LRRC4C: variants seen among roughly 807,000 people sequenced by gnomAD.
LRRC4C encodes the protein leucine rich repeat containing 4C, also known as leucine-rich repeat-containing protein 4C.
LRRC4C carries 5 observed loss-of-function variants against 33.6 expected under a neutral mutation model. The ratio of observed to expected loss-of-function variants is 0.15; its 90% CI spans 0.08 to 0.31. The LOEUF is 0.31. Ranked by LOEUF, LRRC4C falls within the 10% of genes least tolerant of loss-of-function variation. The probability of loss-of-function intolerance (pLI) is 1.00; values close to 1 mark genes in which losing one functional copy is unlikely to be tolerated. For missense variants in LRRC4C, 560 were observed against 796.7 expected (o/e 0.70, Z 3.58); for synonymous variants, 329 against 302.0 (o/e 1.09, Z -0.93).
chr11:40,594,499 G>A (rs1009111199), intron 3 of LRRC4C, among the ~76,000 whole-genome samples: 14 of 152,148 alleles, frequency 9.2e-5, no homozygotes, highest in African/African-American at 3.4e-4. Flanking sequence ...GAGTCAAGAG[G>A]AAGAGCAGTA....
At chr11:41,125,702 A>C (rs909907658) in intron 1 of LRRC4C, among the ~76,000 whole-genome samples, 3 of 152,206 alleles carry the variant, frequency 2.0e-5, no homozygotes, top group African/African-American at 7.2e-5. Context: ...GCTTTAGACC[A>C]GCAGAGTGTG....
chr11:41,389,048 T>C (rs1953476349), intron 1 of LRRC4C, among the ~76,000 whole-genome samples: 1 of 151,796 alleles, frequency 6.6e-6, no homozygotes. Flanking sequence ...GCATGGTATT[T>C]TAAAAAGAAA....
chr11:40,670,449 C>A (rs1944033015), intron 2 of LRRC4C, among the ~76,000 whole-genome samples: 1 of 152,154 alleles, frequency 6.6e-6, no homozygotes, highest in Non-Finnish European at 1.5e-5. Context: ...CTATATCAGA[C>A]CAATGTGAAT....
chr11:40,797,347 GAA>G (rs1950874938), intron 2 of LRRC4C, among the ~76,000 whole-genome samples: 1 of 152,080 alleles, frequency 6.6e-6, no homozygotes, highest in Non-Finnish European at 1.5e-5. Flanking sequence ...GCATCTGAGA[GAA>G]GAGATCCTAT....
chr11:40,475,807 A>G (rs1953186616), intron 3 of LRRC4C, among the ~76,000 whole-genome samples: 3 of 152,220 alleles, frequency 2.0e-5, no homozygotes, highest in South Asian at 4.1e-4. Context: ...CCCCTCCTTT[A>G]TAATAATTAT....
Position 40,281,877 on chromosome 11 carries a change from C to CCA in LRRC4C, c.-176+37749_-176+37750dup, listed in dbSNP as rs1565225417. Among the ~76,000 whole-genome samples, 3 of 152,072 alleles carry CCA rather than the reference C, an allele frequency of 2.0e-5. No homozygotes were observed. The South Asian group carries it at 6.2e-4, about 32-fold the overall frequency. On this transcript the variant is annotated intron_variant, in intron 4 of 6. Transcript: ENST00000528697. ...TTTAAAAATCTGTGGACCCCCACTCCCACACACACACTCCTACTTTAGCAA... is the reference window on the plus strand; with the variant it reads ...TTTAAAAATCTGTGGACCCCCACTCCCACACACACACACTCCTACTTTAGCAA...
At chr11:40,133,726 G>A (rs1288874101) in intron 6 of LRRC4C, among the ~76,000 whole-genome samples, 3 of 152,134 alleles carry the variant, frequency 2.0e-5, no homozygotes, top group Non-Finnish European at 4.4e-5. Context: ...CTTGTAAGTA[G>A]TCTGGGTGTT....
intron 1 of LRRC4C, among the ~76,000 whole-genome samples, chr11:41,012,893 GA>G (rs1395714436): frequency 6.6e-6 from 1 of 152,028 alleles, no homozygotes; most frequent in Non-Finnish European, 1.5e-5. Context: ...GTTCTTTTAA[GA>G]ATTGTCTATT....
At chr11:40,311,096 T>C (rs1270639358) in intron 4 of LRRC4C, among the ~76,000 whole-genome samples, 1 of 152,240 alleles carries the variant, frequency 6.6e-6, no homozygotes, top group Non-Finnish European at 1.5e-5. Context: ...TGTCATTTTT[T>C]TTCCAAAACT....
chr11:40,699,046 A>C (rs1051952295), intron 2 of LRRC4C, among the ~76,000 whole-genome samples: 3 of 151,998 alleles, frequency 2.0e-5, no homozygotes, highest in African/African-American at 7.2e-5. Flanking sequence ...CCTACTATTC[A>C]CCCTTTCCTC....
intron 4 of LRRC4C, among the ~76,000 whole-genome samples, chr11:40,313,511 C>T (rs1196751759): frequency 6.8e-6 from 1 of 147,870 alleles, no homozygotes; most frequent in Admixed American, 6.7e-5. Flanking sequence ...TTTAAATATA[C>T]AAAAATCTAC....
At chr11:41,340,084 T>G (rs1951579774) in intron 1 of LRRC4C, among the ~76,000 whole-genome samples, 1 of 152,184 alleles carries the variant, frequency 6.6e-6, no homozygotes, top group Non-Finnish European at 1.5e-5. Context: ...TTGTATGGGC[T>G]ACATTATCTT....
intron 1 of LRRC4C, among the ~76,000 whole-genome samples, chr11:41,094,120 GAA>G (rs1164390788): frequency 1.5e-5 from 2 of 137,676 alleles, no homozygotes; most frequent in African/African-American, 5.4e-5. Flanking sequence ...CGTATCGGGG[GAA>G]AAAAAAAAAG....
chr11:40,145,611 T>C (rs1248971496), intron 5 of LRRC4C, among the ~76,000 whole-genome samples: 1 of 152,174 alleles, frequency 6.6e-6, no homozygotes, highest in African/African-American at 2.4e-5. Context: ...AGTCATCCAT[T>C]TGCCTTACCA....
chr11:40,647,724 G>T (rs1942551385), intron 3 of LRRC4C, among the ~76,000 whole-genome samples: 1 of 152,086 alleles, frequency 6.6e-6, no homozygotes, highest in African/African-American at 2.4e-5. Context: ...TTGAACCACT[G>T]CCCCAGTTTC....
chr11:40,912,898 T>G (rs1372287303), intron 2 of LRRC4C, among the ~76,000 whole-genome samples: 1 of 152,302 alleles, frequency 6.6e-6, no homozygotes, highest in Non-Finnish European at 1.5e-5. Flanking sequence ...GTTGCAATCC[T>G]AGTCTCTGAT....
At chr11:41,034,608 T>TATAC (rs1856944384) in intron 1 of LRRC4C, among the ~76,000 whole-genome samples, 1 of 7,604 alleles carries the variant, frequency 1.3e-4, no homozygotes, top group African/African-American at 3.0e-4. Context: ...TATGGTGACG[T>TATAC]ATATATATAT....
At chr11:40,470,562 A>G (rs1952882422) in intron 3 of LRRC4C, among the ~76,000 whole-genome samples, 1 of 152,232 alleles carries the variant, frequency 6.6e-6, no homozygotes, top group African/African-American at 2.4e-5. Flanking sequence ...AGTAGGCTTC[A>G]GAAGGTGGGT....
At chr11:40,926,819 A>G (rs1280147710) in intron 2 of LRRC4C, among the ~76,000 whole-genome samples, 1 of 152,214 alleles carries the variant, frequency 6.6e-6, no homozygotes, top group Non-Finnish European at 1.5e-5. Flanking sequence ...TTTAACAAGA[A>G]TAATATTTTC....
Sources: allele counts gnomAD v4.1 joint callset (sites outside exome capture counted in the v4.1 genomes callset), GRCh38; gene constraint gnomAD v4.1.1; transcripts MANE v1.5; gene names NCBI Gene and HGNC (gene_info 2026-07-23, HGNC 2026-07-21).